THSD7A: variants seen among roughly 807,000 people sequenced by gnomAD.
The protein encoded by THSD7A is thrombospondin type 1 domain containing 7A.
In THSD7A, 96 loss-of-function variants were observed where a neutral mutation model predicts 231.3. That is an observed-to-expected ratio of 0.41 (90% CI 0.35 to 0.49). The LOEUF is 0.49. Ranked by LOEUF, THSD7A falls within the 20% of genes least tolerant of loss-of-function variation. The probability of loss-of-function intolerance (pLI) is 0.05; values close to 1 mark genes in which losing one functional copy is unlikely to be tolerated. For synonymous variants in THSD7A, 940 were observed against 743.3 expected (o/e 1.26, Z -4.30); for missense variants, 2,290 against 2,070.2 (o/e 1.11, Z -2.06).
At position 11,831,780 on chromosome 7, in the gene THSD7A, G is replaced by A; in HGVS notation, c.167C>T (p.Pro56Leu). 8.1e-6 allele frequency: 12 copies of A among 1,479,452 alleles called. No individual in the cohort carries two copies. The highest frequency in any genetic ancestry group is 1.1e-5 in the Non-Finnish European group (12 of 1,111,766). 91.6% of individuals were successfully genotyped at this position (1,479,452 alleles called of 1,614,324 possible). The part of the protein sequence containing the change: ...RAAAQGEAEA[P>L]TLYLWKTGPW... ...ACCAGTCTTCCACAGATAGAGGGTG[G>A]GCGCCTCCGCCTCGCCCTGCGCCGC... The change falls in exon 1 of 28, where the codon CCC (proline) becomes CTC (leucine). Residue 56 changes from proline (P) to leucine (L), a missense_variant. Pro to Leu is a moderately conservative substitution (Grantham distance 98). Coordinates refer to ENST00000423059, the MANE Select transcript of THSD7A (RefSeq NM_015204.3). The surrounding 1 kb of genome is among the most constrained non-coding windows in gnomAD (Gnocchi z 5.0).
chr7:11,491,261 A>G (rs897788260), intron 6 of THSD7A, among the ~76,000 whole-genome samples: 5 of 152,118 alleles, frequency 3.3e-5, no homozygotes, highest in Non-Finnish European at 7.4e-5. Flanking sequence ...TAAATTTTAT[A>G]GTCCATATTT....
At chr7:11,558,653 A>C (rs533081230) in intron 4 of THSD7A, among the ~76,000 whole-genome samples, 3 of 152,212 alleles carry the variant, frequency 2.0e-5, no homozygotes, top group African/African-American at 7.2e-5. Context: ...CATAAAAAAG[A>C]AAGTGATCAC....
Position 11,371,318 on chromosome 7 carries a change from C to G in THSD7A, c.*4476G>C, listed in dbSNP as rs1407862004. The G allele has an allele frequency of 6.6e-6, 1 of 152,196 alleles. No individual in the cohort carries two copies. The highest frequency in any genetic ancestry group is 1.5e-5 in the Non-Finnish European group (1 of 68,038). The allele number at this position is 152,196 out of a possible 1,614,324, so 9.4% of individuals were successfully genotyped here. ...GATACCTGAAATCCTGTCCTGCAGCCAGGGCCACCTGAGGGCAGGACCTGG... is the reference window on the plus strand; with the variant it reads ...GATACCTGAAATCCTGTCCTGCAGCGAGGGCCACCTGAGGGCAGGACCTGG... On this transcript the variant is annotated 3_prime_UTR_variant, in exon 28 of 28. Coordinates refer to ENST00000423059, the MANE Select transcript of THSD7A (RefSeq NM_015204.3).
At chr7:11,825,743 T>A (rs922117253) in intron 1 of THSD7A, among the ~76,000 whole-genome samples, 1 of 152,134 alleles carries the variant, frequency 6.6e-6, no homozygotes, top group East Asian at 1.9e-4. Context: ...ATAAAATAAC[T>A]TTTTAGGAAA....
chr7:11,651,719 G>C (rs948546846), intron 1 of THSD7A, among the ~76,000 whole-genome samples: 1 of 151,788 alleles, frequency 6.6e-6, no homozygotes. Context: ...AAAAGTAAAG[G>C]GCCAATTATA....
In THSD7A at chr7:11,495,442, T is replaced by A. The variant is rs151150461; in HGVS notation, c.1823-13460A>T. 4.0e-3 allele frequency among the ~76,000 whole-genome samples: 615 copies of A among 152,198 alleles called. 7 individuals are homozygous for A. Among genetic ancestry groups the A allele is most frequent in the African/African-American group, 0.014 (569 of 41,556 alleles). ...TATACGTGAATGCTTTTGCCAAAGA[T>A]CAGCTAGGATACTAAGGAAATCATT... On this transcript the variant is annotated intron_variant, in intron 6 of 27. Coordinates refer to ENST00000423059, the MANE Select transcript of THSD7A (RefSeq NM_015204.3).
intron 1 of THSD7A, among the ~76,000 whole-genome samples, chr7:11,812,045 G>A (rs979862531): frequency 1.3e-5 from 2 of 151,984 alleles, no homozygotes. Context: ...TGAGCATAAT[G>A]AGAGACATTT....
At chr7:11,565,779 T>TA (rs1790287529) in intron 4 of THSD7A, among the ~76,000 whole-genome samples, 1 of 152,196 alleles carries the variant, frequency 6.6e-6, no homozygotes, top group African/African-American at 2.4e-5. Context: ...AGTCCTTTGC[T>TA]ACATACAAAA....
chr7:11,529,892 G>A (rs889845513), intron 6 of THSD7A, among the ~76,000 whole-genome samples: 3 of 152,122 alleles, frequency 2.0e-5, no homozygotes, highest in African/African-American at 7.2e-5. Context: ...AGGAATAAAA[G>A]TAACAACAAA....
chr7:11,570,163 C>T (rs1412328085), intron 4 of THSD7A, among the ~76,000 whole-genome samples: 2 of 150,420 alleles, frequency 1.3e-5, no homozygotes, highest in African/African-American at 2.4e-5. Flanking sequence ...AGAGCAAGAT[C>T]TTGAAAAAAG....
chr7:11,497,660 T>C (rs1787158308), intron 6 of THSD7A, among the ~76,000 whole-genome samples: 1 of 152,180 alleles, frequency 6.6e-6, no homozygotes, highest in Non-Finnish European at 1.5e-5. Context: ...TGTTGACTAG[T>C]AGCCAAGATA....
intron 4 of THSD7A, among the ~76,000 whole-genome samples, chr7:11,565,561 G>A (rs1162484896): frequency 6.6e-6 from 1 of 152,182 alleles, no homozygotes; most frequent in East Asian, 1.9e-4. Context: ...AAGTGAAGGG[G>A]TCAGATAAAT....
chr7:11,698,443 C>T (rs1004544359), intron 1 of THSD7A, among the ~76,000 whole-genome samples: 2 of 151,208 alleles, frequency 1.3e-5, no homozygotes, highest in African/African-American at 2.4e-5. Flanking sequence ...GGGAATGTCC[C>T]AAATCTATGT....
At chr7:11,388,108 T>G (rs1459191024) in intron 23 of THSD7A, among the ~76,000 whole-genome samples, 3 of 152,140 alleles carry the variant, frequency 2.0e-5, no homozygotes, top group Non-Finnish European at 4.4e-5. Flanking sequence ...TTTGCCAGTA[T>G]TTTGTTGAGG....
In THSD7A at chr7:11,412,690, G is replaced by T. The variant is rs1484808288; in HGVS notation, c.3648C>A (p.Asn1216Lys). Residue 1216 changes from asparagine to lysine, a missense_variant, in exon 18 of 28, where the codon AAC becomes AAA. Asn to Lys is a moderately conservative substitution (Grantham distance 94, BLOSUM62 0). Coordinates refer to ENST00000423059, the MANE Select transcript of THSD7A (RefSeq NM_015204.3). ...NAVEKEPCNL[N>K]KNCYHYDYNV... ...TATAATCATAGTGGTAGCAGTTTTT[G>T]TTCAGGTTACAGGGTTCTTTCTCAA... 6.2e-7 allele frequency: 1 copy of T among 1,613,782 alleles called. No individual in the cohort carries two copies. The highest frequency in any genetic ancestry group is 8.5e-7 in the Non-Finnish European group (1 of 1,179,794).
At chr7:11,482,083 T>C (rs1583824868) in intron 6 of THSD7A, 101 bp from the exon 7 acceptor site, 1 of 1,290,400 alleles carries the variant, frequency 7.7e-7, no homozygotes, top group Non-Finnish European at 1.0e-6. Flanking sequence ...TATCTTTCTT[T>C]TGCTCTTACT....
chr7:11,759,000 T>C (rs1225093545), intron 1 of THSD7A, among the ~76,000 whole-genome samples: 1 of 152,066 alleles, frequency 6.6e-6, no homozygotes, highest in African/African-American at 2.4e-5. Flanking sequence ...AAAATTAGCT[T>C]TAAATTGCCC....
intron 11 of THSD7A, among the ~76,000 whole-genome samples, chr7:11,447,669 G>C (rs981973663): frequency 2.6e-5 from 4 of 151,970 alleles, no homozygotes; most frequent in African/African-American, 9.7e-5. Context: ...TGCATACTTA[G>C]CATTTACCAG....
In THSD7A at chr7:11,474,537, C is replaced by A; in HGVS notation, c.2049G>T (p.Leu683Phe). The part of the protein sequence containing the change: ...GGIRCPNSSA[L>F]QEVRSCNEHP... ...GCTCATTACAGCTTCGTACTTCTTG[C>A]AAAGCACTGCTATTTGGACAGCGAA... The change falls in exon 8 of 28, where the codon TTG (leucine) becomes TTT (phenylalanine). Residue 683 changes from leucine (L) to phenylalanine (F), a missense_variant. Coordinates refer to ENST00000423059, the MANE Select transcript of THSD7A (RefSeq NM_015204.3). The surrounding 1 kb of genome is among the most constrained non-coding windows in gnomAD (Gnocchi z 4.1). 1 of 1,606,408 alleles carries A rather than the reference C, an allele frequency of 6.2e-7. No homozygotes were observed. Among genetic ancestry groups the A allele is most frequent in the Non-Finnish European group, 8.5e-7 (1 of 1,174,654 alleles).
Sources: gnomAD v4.1 joint callset for allele counts (sites outside exome capture counted in the v4.1 genomes callset) on GRCh38, gnomAD v4.1.1 for gene constraint, Gnocchi (gnomAD v3.1) non-coding constraint, MANE v1.5 for transcripts, NCBI Gene and HGNC (gene_info 2026-07-23, HGNC 2026-07-21) for gene names.